The following RTEL1 variants were observed in gnomAD, a reference collection of about 807,000 sequenced individuals.
The protein encoded by RTEL1 is regulator of telomere elongation helicase 1.
Under a neutral mutation model 162.2 loss-of-function variants are expected in RTEL1, and 86 were observed. The ratio of observed to expected loss-of-function variants is 0.53; its 90% confidence interval spans 0.45 to 0.63. RTEL1 has a LOEUF of 0.63. Among genes scored for constraint, RTEL1 ranks in the 30% least tolerant of loss-of-function variants. RTEL1 has a pLI of 0.00. For missense variants in RTEL1, 1,941 were observed against 1,750.2 expected, an observed-to-expected ratio of 1.11 and a Z score of -1.95; for synonymous variants, 958 against 717.9, an observed-to-expected ratio of 1.33 and a Z score of -5.35.
In RTEL1 at chr20:63,688,043, G is replaced by C; in HGVS notation, c.1588G>C (p.Asp530His). The C allele has an allele frequency of 3.7e-6, 6 of 1,612,750 alleles. No homozygotes were observed. Among genetic ancestry groups the C allele is most frequent in the Non-Finnish European group, 5.1e-6 (6 of 1,179,956 alleles). Reference protein sequence around the residue: ...PDGAQLSSAFDRRFSEECLSS... With the variant: ...PDGAQLSSAFHRRFSEECLSS... The stretch of plus-strand genomic sequence containing the variant: ...TGGAGCCCAGTTGAGCTCCGCGTTT[G>C]ACAGACGGTGAGGGCCTGTCCCTGG... Residue 530 changes from aspartate (D) to histidine (H), a missense_variant, in exon 18 of 35, where the codon GAC becomes CAC. By Grantham distance (81) the Asp-to-His change is moderately conservative (BLOSUM62 -1). Coordinates refer to ENST00000360203, the MANE Select transcript of RTEL1 (RefSeq NM_001283009.2).
At position 63,689,834 on chromosome 20, in the gene RTEL1, G is replaced by T; in HGVS notation, c.2110G>T (p.Asp704Tyr). The T allele has an allele frequency of 6.2e-7, 1 of 1,611,260 alleles. No homozygotes were observed. ...AIGRVIRHRQ[D>Y]YGAVFLCDHR... is the part of the protein sequence containing the mutation. ...CGGGCGAGTGATCCGGCACCGCCAG[G>T]ACTACGGAGCTGTCTTCCTCTGTGA... The change falls in exon 24 of 35, where the codon GAC (aspartate) becomes TAC (tyrosine). Residue 704 changes from aspartate to tyrosine, a missense_variant. Asp to Tyr is a radical substitution (Grantham distance 160, BLOSUM62 -3). Transcript: ENST00000360203.
chr20:63,664,996 C>T (rs77993536), intron 6 of RTEL1: 7,550 of 152,942 alleles, frequency 0.049, 295 homozygotes, highest in South Asian at 0.08. Flanking sequence ...GCGGCAGTGC[C>T]TGCTGATTGG....
rs766637626 is a variant in RTEL1, at chr20:63,662,612, G to C, written c.462G>C (p.Glu154Asp). ...TCCATCCTGAGGTGAAGAAACAAGA[G>C]AGTAACCATCTACAGGTAGGCTCCT... is the stretch of plus-strand genomic sequence containing the variant. ...LCIHPEVKKQ[E>D]SNHLQIHLCR... The change falls in exon 5 of 35, where the codon GAG (glutamate) becomes GAC (aspartate). Residue 154 changes from glutamate (E) to aspartate (D), a missense_variant. By Grantham distance (45) the Glu-to-Asp change is conservative. Coordinates refer to ENST00000360203, the MANE Select transcript of RTEL1 (RefSeq NM_001283009.2). 6.2e-7 allele frequency: 1 copy of C among 1,613,914 alleles called. No homozygotes were observed. The highest frequency in any genetic ancestry group is 8.5e-7 in the Non-Finnish European group (1 of 1,180,016).
intron 14 of RTEL1, chr20:63,680,987 G>A: frequency 1.0e-6 from 1 of 985,418 alleles, no homozygotes; most frequent in South Asian, 4.7e-5. Flanking sequence ...GGGCCGGGGA[G>A]CCGCTCCTGC....
intron 8 of RTEL1, among the ~76,000 whole-genome samples, chr20:63,672,278 C>T (rs534472698): frequency 2.0e-4 from 30 of 152,244 alleles, no homozygotes; most frequent in African/African-American, 4.6e-4. Flanking sequence ...TTCCTGACTG[C>T]GGTGGCCGGG....
At chr20:63,694,564 TG>T in intron 31 of RTEL1, 76 bp downstream of exon 31, 1 of 1,346,012 alleles carries the variant, frequency 7.4e-7, no homozygotes, top group Non-Finnish European at 1.0e-6. Flanking sequence ...AACTCTTGAG[TG>T]TGGCCGGGGC....
chr20:63,690,977 A>G, intron 27 of RTEL1, 30 bp downstream of exon 27: 1 of 1,535,104 alleles, frequency 6.5e-7, no homozygotes, highest in Non-Finnish European at 8.8e-7. Flanking sequence ...GGATGGACAC[A>G]GACCCTCTGT....
intron 31 of RTEL1, 105 bp from the exon 32 acceptor site, chr20:63,694,636 T>C (rs1424603993): frequency 2.4e-6 from 3 of 1,254,266 alleles, no homozygotes; most frequent in Non-Finnish European, 3.3e-6. Context: ...CCCGCAGTTG[T>C]CCTGAGCAGC....
In RTEL1 at chr20:63,692,694, C is replaced by A. The variant is rs181325747; in HGVS notation, c.2653-111C>A. 7.3e-5 allele frequency: 78 copies of A among 1,070,166 alleles called. No homozygotes were observed. In the African/African-American group the frequency reaches 1.1e-3, roughly 16 times the overall value. 66.3% of individuals were successfully genotyped at this position (1,070,166 alleles called of 1,614,324 possible). ...CCAGTTTCTCAGGCAGCAGCCCCACCTCGGCAGTCACTGTCCCAGGGAACG... is the reference window on the plus strand; with the variant it reads ...CCAGTTTCTCAGGCAGCAGCCCCACATCGGCAGTCACTGTCCCAGGGAACG... On this transcript the variant is annotated intron_variant, in intron 28 of 34. Transcript: ENST00000360203.
chr20:63,661,554 G>A lies in RTEL1; in HGVS notation c.301+58G>A. On this transcript the variant is annotated intron_variant, in intron 3 of 34. Transcript: ENST00000360203. The surrounding 1 kb of genome is among the most constrained non-coding windows in gnomAD (Gnocchi z 5.1). ...CTGTGGGGATGGTTGGCAAGGGATG[G>A]CGCTGAGGGTGGGGTGGGCCCATGG... 2 of 1,542,142 alleles carry A rather than the reference G, an allele frequency of 1.3e-6. No individual in the cohort carries two copies. Among genetic ancestry groups the A allele is most frequent in the Non-Finnish European group, 1.8e-6 (2 of 1,140,538 alleles).
In RTEL1 at chr20:63,692,923, G is replaced by C. The variant is rs776546788; in HGVS notation, c.2771G>C (p.Gly924Ala). ...TFTQALQDYK[G>A]SDDFAALAAC... ...ACCCAGGCCCTGCAGGACTACAAGG[G>C]TTCCGATGACTTCGCCGCCCTGGCC... The change falls in exon 29 of 35, where the codon GGT becomes GCT. Residue 924 changes from glycine to alanine, a missense_variant. Physicochemically the swap from Gly to Ala is moderately conservative, Grantham distance 60. Coordinates refer to ENST00000360203, the MANE Select transcript of RTEL1 (RefSeq NM_001283009.2). 19 of 1,612,654 alleles carry C rather than the reference G, an allele frequency of 1.2e-5. No individual in the cohort carries two copies. The highest frequency in any genetic ancestry group is 1.6e-5 in the Non-Finnish European group (19 of 1,179,856).
At position 63,661,014 on chromosome 20, in the gene RTEL1, C is replaced by T. The variant is rs1414862842; in HGVS notation, c.103-284C>T. 2.6e-5 allele frequency among the ~76,000 whole-genome samples: 4 copies of T among 152,236 alleles called. No homozygotes were observed. The highest frequency in any genetic ancestry group is 4.1e-4 in the South Asian group (2 of 4,832). On this transcript the variant is annotated intron_variant, in intron 2 of 34. Coordinates refer to ENST00000360203, the MANE Select transcript of RTEL1 (RefSeq NM_001283009.2). The surrounding 1 kb of genome is among the most constrained non-coding windows in gnomAD (Gnocchi z 5.1). ...CAGTTTCCTATTTTGAGACTTGACACCTAATTAGTCATCTTACTATTTAAG... is the reference window on the plus strand; with the variant it reads ...CAGTTTCCTATTTTGAGACTTGACATCTAATTAGTCATCTTACTATTTAAG...
At chr20:63,676,124 G>A (rs144216712) in intron 10 of RTEL1, among the ~76,000 whole-genome samples, 2 of 152,198 alleles carry the variant, frequency 1.3e-5, no homozygotes, top group African/African-American at 4.8e-5. Context: ...GCTGGAGAGC[G>A]GTGGTGCCAT....
Position 63,668,102 on chromosome 20 carries a change from C to T in RTEL1, c.699+549C>T, listed in dbSNP as rs1248638503. Among the ~76,000 whole-genome samples, 1 of 151,208 alleles carries T rather than the reference C, an allele frequency of 6.6e-6. No homozygotes were observed. The highest frequency in any genetic ancestry group is 1.5e-5 in the Non-Finnish European group (1 of 67,762). ...CTCCCTTCCGCCCCGTGTGCCCAGC[C>T]CCACGCTCACTCCCCCCGCCAGCAT... On this transcript the variant is annotated intron_variant, in intron 8 of 34. Transcript: ENST00000360203. The surrounding 1 kb of genome is among the most constrained non-coding windows in gnomAD (Gnocchi z 4.3).
In RTEL1 at chr20:63,667,481, C is replaced by T; in HGVS notation, c.627C>T (p.Tyr209=). The T allele has an allele frequency of 6.2e-7, 1 of 1,613,788 alleles. No homozygotes were observed. Residue 209 remains tyrosine, a synonymous_variant, in exon 8 of 35, where the codon TAC becomes TAT. Transcript: ENST00000360203. ...CTCTCCTTCCCAGGGTGTGCCCTTA[C>T]TACCTGTCCCGGAACCTGAAGCAGC... ...KSGSKHRVCP[Y]YLSRNLKQQA...
rs1456085879 is a variant in RTEL1, at chr20:63,693,139, A to G, written c.2852-4A>G. The G allele has an allele frequency of 3.7e-6, 6 of 1,612,086 alleles. No homozygotes were observed. The African/African-American group carries it at 5.3e-5, about 14-fold the overall frequency. On this transcript the variant is annotated splice_polypyrimidine_tract_variant and splice_region_variant and intron_variant, in intron 29 of 34. Coordinates refer to ENST00000360203, the MANE Select transcript of RTEL1 (RefSeq NM_001283009.2). ...GATGGGGACAGACGCCCCTTCCTCT[A>G]CAGGCTTCTACCAGTTTGTGCGGCC...
chr20:63,693,025 A>G, intron 29 of RTEL1, 22 bp downstream of exon 29: 1 of 1,611,822 alleles, frequency 6.2e-7, no homozygotes, highest in South Asian at 1.1e-5. Context: ...TGCAGAGGCC[A>G]CCCACCCTGA....
rs930305537 is a variant in RTEL1 at position 63,681,113 on chromosome 20, C to A, written c.1191+394C>A. ...GCTTCCTGAACAGCTTCTCCAGGGA[C>A]AGACAAATGGGGACCCTGCAGGTTC... On this transcript the variant is annotated intron_variant, in intron 14 of 34. Coordinates refer to ENST00000360203, the MANE Select transcript of RTEL1 (RefSeq NM_001283009.2). 22 of 985,308 alleles carry A rather than the reference C, an allele frequency of 2.2e-5. No homozygotes were observed. The African/African-American group carries it at 3.1e-4, about 14-fold the overall frequency. The allele number at this position is 985,308 out of a possible 1,614,324, so 61.0% of individuals were successfully genotyped here.
rs374694007 is a variant in RTEL1, at chr20:63,678,251, A to T, written c.959-17A>T. The T allele has an allele frequency of 6.2e-7, 1 of 1,611,692 alleles. No individual in the cohort carries two copies. The highest frequency in any genetic ancestry group is 1.7e-4 in the Middle Eastern group (1 of 6,048). On this transcript the variant is annotated splice_polypyrimidine_tract_variant and intron_variant, in intron 11 of 34. Transcript: ENST00000360203. ...TCCTCCTTGCGAGGAGGTGGGTGACACCTCCTCGACCCACAGTGATCCTGC... is the reference window on the plus strand; with the variant it reads ...TCCTCCTTGCGAGGAGGTGGGTGACTCCTCCTCGACCCACAGTGATCCTGC...
Sources: allele counts gnomAD v4.1 joint callset (sites outside exome capture counted in the v4.1 genomes callset), GRCh38; gene constraint gnomAD v4.1.1; non-coding constraint Gnocchi (gnomAD v3.1); transcripts MANE v1.5; gene names NCBI Gene and HGNC (gene_info 2026-07-23, HGNC 2026-07-21).